NLGN1: variants seen among roughly 807,000 people sequenced by gnomAD.
NLGN1 encodes neuroligin 1.
Under a neutral mutation model 65.5 loss-of-function variants are expected in NLGN1, and 12 were observed. The ratio of observed to expected loss-of-function variants is 0.18; its 90% confidence interval spans 0.12 to 0.30. The LOEUF is 0.30. NLGN1 is among the 10% of genes least tolerant of loss of function. NLGN1 has a pLI of 1.00. For missense variants in NLGN1, 750 were observed against 1,007.1 expected (o/e 0.74, Z 3.46); for synonymous variants, 350 against 359.5 (o/e 0.97, Z 0.30).
intron 2 of NLGN1, among the ~76,000 whole-genome samples, chr3:173,578,824 C>T (rs1259983033): frequency 2.6e-5 from 4 of 152,140 alleles, no homozygotes; most frequent in Middle Eastern, 3.2e-3. Context: ...AATACTGCCT[C>T]ACAAATGTAC....
rs558452643 is a variant in NLGN1, at chr3:173,491,546, C to G, written c.-321+56468C>G. Among the ~76,000 whole-genome samples, 3 of 151,828 alleles carry G rather than the reference C, an allele frequency of 2.0e-5. No individual in the cohort carries two copies. In the East Asian group the frequency reaches 5.8e-4, roughly 29 times the overall value. On this transcript the variant is annotated intron_variant, in intron 2 of 6. Transcript: ENST00000457714. Reference sequence around the variant, plus strand: ...ATCAATGGTCATCAAGGATATTGGTCTGAAATTCACTTTTTTTGTTGTGTA... The same window carrying G: ...ATCAATGGTCATCAAGGATATTGGTGTGAAATTCACTTTTTTTGTTGTGTA...
chr3:174,279,017 A>G lies in NLGN1; in HGVS notation c.1016A>G (p.Tyr339Cys), dbSNP rs958920657. The G allele has an allele frequency of 6.2e-7, 1 of 1,603,422 alleles. No homozygotes were observed. The highest frequency in any genetic ancestry group is 1.3e-5 in the African/African-American group (1 of 74,486). ...GTGGAATGCCTACAGAAGAAGCCTT[A>G]CAAAGAACTTGTTGACCAAGATATT... The change falls in exon 6 of 7, where the codon TAC becomes TGC. Residue 339 changes from tyrosine (Y) to cysteine (C), a missense_variant. Coordinates refer to ENST00000457714, the Ensembl canonical transcript of NLGN1. This position sits in a 1 kb window ranked among gnomAD's most constrained non-coding sequence, Gnocchi z 4.7.
intron 4 of NLGN1, among the ~76,000 whole-genome samples, chr3:174,254,783 TAA>T (rs1273883583): frequency 6.8e-6 from 1 of 147,664 alleles, no homozygotes; most frequent in African/African-American, 2.5e-5. Flanking sequence ...GAAAAATCAA[TAA>T]AGTTATATAA....
chr3:173,686,120 C>T lies in NLGN1; in HGVS notation c.493+81029C>T, dbSNP rs142250658. ...CAAGGCAAGAACTTGTTATTTTGGT[C>T]ACAGTACACAATTGATTTTTCATAG... On this transcript the variant is annotated intron_variant, in intron 3 of 6. Transcript: ENST00000457714. Among the ~76,000 whole-genome samples the T allele has an allele frequency of 3.4e-3, 523 of 152,154 alleles. 1 individual carries two copies. Among genetic ancestry groups the T allele is most frequent in the Non-Finnish European group, 5.7e-3 (391 of 68,018 alleles).
rs187711882 is a variant in NLGN1 at position 173,881,543 on chromosome 3, G to A, written c.646+73711G>A. Among the ~76,000 whole-genome samples the A allele has an allele frequency of 4.6e-3, 690 of 149,370 alleles. 4 individuals are homozygous for A. Among genetic ancestry groups the A allele is most frequent in the African/African-American group, 0.016 (659 of 40,460 alleles). On this transcript the variant is annotated intron_variant, in intron 4 of 6. Coordinates refer to ENST00000457714, the Ensembl canonical transcript of NLGN1. The stretch of plus-strand genomic sequence containing the variant: ...GGGTTCACGCCATTCTCCTGCCTCA[G>A]CCTCCCGAGTAGCTGGGACTACAGG...
chr3:173,539,771 ATAAC>A (rs1453735932), intron 2 of NLGN1, among the ~76,000 whole-genome samples: 1 of 123,684 alleles, frequency 8.1e-6, no homozygotes, highest in Non-Finnish European at 1.6e-5. Context: ...ATGTACATAT[ATAAC>A]ACATATATAT....
In NLGN1 at chr3:174,163,130, C is replaced by T. The variant is rs182251053; in HGVS notation, c.647-112185C>T. Among the ~76,000 whole-genome samples, 132 of 152,066 alleles carry T rather than the reference C, an allele frequency of 8.7e-4. No homozygotes were observed. The Middle Eastern group carries it at 0.014, about 16-fold the overall frequency. ...TTTATATTAAGGTTATTATTAACTA[C>T]AGGATACCACTGTCTACTAGACTAG... On this transcript the variant is annotated intron_variant, in intron 4 of 6. Transcript: ENST00000457714.
chr3:173,786,183 T>C (rs34061396), intron 3 of NLGN1, among the ~76,000 whole-genome samples: 21,221 of 152,174 alleles, frequency 0.14, 2,112 homozygotes, highest in African/African-American at 0.29. Context: ...AACAGAATTT[T>C]ATTGATTTTT....
chr3:173,702,101 T>C (rs1209809510), intron 3 of NLGN1, among the ~76,000 whole-genome samples: 2 of 149,352 alleles, frequency 1.3e-5, no homozygotes, highest in South Asian at 2.1e-4. Flanking sequence ...TAGCTGGGCG[T>C]AGTGGCGGGC....
At chr3:174,187,984 C>G (rs1731728464) in intron 4 of NLGN1, among the ~76,000 whole-genome samples, 1 of 151,948 alleles carries the variant, frequency 6.6e-6, no homozygotes, top group Non-Finnish European at 1.5e-5. Flanking sequence ...ATGAATCAAT[C>G]AACATATTTT....
rs181526085 is a variant in NLGN1 at position 173,903,730 on chromosome 3, A to G, written c.646+95898A>G. Among the ~76,000 whole-genome samples the G allele has an allele frequency of 2.0e-3, 302 of 152,286 alleles. 1 individual carries two copies. The highest frequency in any genetic ancestry group is 6.9e-3 in the African/African-American group (288 of 41,568). ...GAGCTATGGAGGGCCTCCTGAAACA[A>G]TGAAGCGATTGCTGAAAGCTGGGAC... On this transcript the variant is annotated intron_variant, in intron 4 of 6. Coordinates refer to ENST00000457714, the Ensembl canonical transcript of NLGN1.
chr3:173,411,504 T>C (rs1712542503), intron 1 of NLGN1, among the ~76,000 whole-genome samples: 1 of 152,166 alleles, frequency 6.6e-6, no homozygotes. Context: ...TGGTGACTGA[T>C]GGCCCTGTCA....
At chr3:173,821,779 C>G (rs559451120) in intron 4 of NLGN1, among the ~76,000 whole-genome samples, 1 of 152,028 alleles carries the variant, frequency 6.6e-6, no homozygotes, top group Admixed American at 6.5e-5. Context: ...CTACATAGTC[C>G]CTTAGCGATA....
chr3:174,047,955 A>G (rs895828753), intron 4 of NLGN1, among the ~76,000 whole-genome samples: 1 of 152,104 alleles, frequency 6.6e-6, no homozygotes, highest in African/African-American at 2.4e-5. Context: ...TAAGCACTTC[A>G]TAGATGTAGG....
rs1460570960 is a variant in NLGN1 at position 174,280,944 on chromosome 3, A to G, written c.2113A>G (p.Arg705Gly). ...CCTGTACTACAAAAAGGATAAGAGG[A>G]GACATGATGTTCACAGGAGATGCAG... Residue 705 changes from arginine to glycine, a missense_variant, in exon 7 of 7, where the codon AGA becomes GGA. Coordinates refer to ENST00000457714, the Ensembl canonical transcript of NLGN1. This position sits in a 1 kb window ranked among gnomAD's most constrained non-coding sequence, Gnocchi z 4.9. The G allele has an allele frequency of 6.2e-7, 1 of 1,613,354 alleles. No individual in the cohort carries two copies. Among genetic ancestry groups the G allele is most frequent in the South Asian group, 1.1e-5 (1 of 91,074 alleles).
chr3:173,781,933 G>GT (rs1647129252), intron 3 of NLGN1, among the ~76,000 whole-genome samples: 1 of 152,128 alleles, frequency 6.6e-6, no homozygotes, highest in African/African-American at 2.4e-5. Context: ...TTTTCATTAA[G>GT]CTTTATTTGA....
intron 3 of NLGN1, among the ~76,000 whole-genome samples, chr3:173,663,770 A>C (rs1181606481): frequency 6.6e-6 from 1 of 152,054 alleles, no homozygotes; most frequent in Non-Finnish European, 1.5e-5. Flanking sequence ...TGACTATAGA[A>C]AATGCTCAAG....
chr3:173,541,395 G>T (rs1738835875), intron 2 of NLGN1, among the ~76,000 whole-genome samples: 1 of 152,074 alleles, frequency 6.6e-6, no homozygotes, highest in Non-Finnish European at 1.5e-5. Flanking sequence ...TATATTTAAG[G>T]CTTTGTGACT....
chr3:173,651,238 A>C (rs947370545), intron 3 of NLGN1, among the ~76,000 whole-genome samples: 1 of 151,612 alleles, frequency 6.6e-6, no homozygotes, highest in Non-Finnish European at 1.5e-5. Flanking sequence ...CTCTAGTTCT[A>C]TCCATGTATG....
Sources: gnomAD v4.1 joint callset for allele counts (sites outside exome capture counted in the v4.1 genomes callset) on GRCh38, gnomAD v4.1.1 for gene constraint, Gnocchi (gnomAD v3.1) non-coding constraint, MANE v1.5 for transcripts, NCBI Gene and HGNC (gene_info 2026-07-23, HGNC 2026-07-21) for gene names.